EEA1: variants seen among roughly 807,000 people sequenced by gnomAD.
The protein encoded by EEA1 is early endosome antigen 1, also known as early endosome antigen 1, 162kD.
A neutral mutation model predicts 209.2 loss-of-function variants in EEA1; 111 were observed. The observed-to-expected ratio is 0.53, with a 90% confidence interval of 0.45 to 0.62. EEA1 has a LOEUF of 0.62. Among genes scored for constraint, EEA1 ranks in the 20% least tolerant of loss-of-function variants. EEA1 has a pLI of 0.00. For synonymous variants in EEA1, 536 were observed against 540.6 expected (o/e 0.99, Z 0.12); for missense variants, 1,343 against 1,530.8 (o/e 0.88, Z 2.05).
At chr12:92,909,637 A>C (rs1397657362) in intron 1 of EEA1, among the ~76,000 whole-genome samples, 1 of 152,254 alleles carries the variant, frequency 6.6e-6, no homozygotes, top group Non-Finnish European at 1.5e-5. Flanking sequence ...TTAAAAGGTG[A>C]CTAGGTCATG....
chr12:92,885,147 TTAG>T (rs1440665184), intron 2 of EEA1, among the ~76,000 whole-genome samples: 3 of 152,040 alleles, frequency 2.0e-5, no homozygotes, highest in South Asian at 2.1e-4. Context: ...CAATAGGCTA[TTAG>T]TAGTTAAATT....
Position 92,832,609 on chromosome 12 carries a change from G to A in EEA1, c.1157C>T (p.Thr386Ile). 6.2e-7 allele frequency: 1 copy of A among 1,613,936 alleles called. No individual in the cohort carries two copies. The highest frequency in any genetic ancestry group is 2.2e-5 in the East Asian group (1 of 44,838). The change falls in exon 11 of 29, where the codon ACC (threonine) becomes ATC (isoleucine). Residue 386 changes from threonine to isoleucine, a missense_variant. Physicochemically the swap from Thr to Ile is moderately conservative, Grantham distance 89 (BLOSUM62 -1). This residue lies in a region of EEA1 where 1,307 missense variants were observed against 1,465.5 expected (regional missense o/e 0.89). Coordinates refer to ENST00000322349, the MANE Select transcript of EEA1 (RefSeq NM_003566.4). ...CTCCGCCTTTAGATGCTGGTACTTG[G>A]TCTCTACCTCAGATAATTCTTCTTT... ...KLKEELSEVE[T>I]KYQHLKAEFK...
rs1249681350 is a variant in EEA1, at chr12:92,775,235, G to C, written c.*776C>G. 2 of 151,474 alleles carry C rather than the reference G, an allele frequency of 1.3e-5. No individual in the cohort carries two copies. The highest frequency in any genetic ancestry group is 3.8e-4 in the East Asian group (2 of 5,198). 9.4% of individuals were successfully genotyped at this position (151,474 alleles called of 1,614,324 possible). ...AAGAAGCTTTCTAAGATTCTAAATG[G>C]ACAATGCGTGGGAGTTTAAGAAAGA... On this transcript the variant is annotated 3_prime_UTR_variant, in exon 29 of 29. Coordinates refer to ENST00000322349, the MANE Select transcript of EEA1 (RefSeq NM_003566.4).
At chr12:92,800,898 C>T (rs536548113) in intron 20 of EEA1, among the ~76,000 whole-genome samples, 35 of 152,312 alleles carry the variant, frequency 2.3e-4, no homozygotes, top group Non-Finnish European at 4.1e-4. Context: ...GCATCTACAA[C>T]ACAAGTCTGC....
At chr12:92,887,760 TG>T (rs1355100594) in intron 2 of EEA1, among the ~76,000 whole-genome samples, 2 of 152,214 alleles carry the variant, frequency 1.3e-5, no homozygotes, top group Non-Finnish European at 2.9e-5. Context: ...TTTGACTTTA[TG>T]ACTGATTTAT....
chr12:92,904,830 C>G (rs886421709), intron 1 of EEA1, among the ~76,000 whole-genome samples: 3 of 152,228 alleles, frequency 2.0e-5, no homozygotes, highest in Admixed American at 1.3e-4. Flanking sequence ...TTTAGAGATA[C>G]ATCACCCTCC....
At chr12:92,848,516 T>TCTTAAATGA (rs1877473360) in intron 9 of EEA1, among the ~76,000 whole-genome samples, 3 of 152,136 alleles carry the variant, frequency 2.0e-5, no homozygotes, top group Non-Finnish European at 2.9e-5. Flanking sequence ...AGCTTTTTCA[T>TCTTAAATGA]CTTAAATGAC....
At chr12:92,910,162 A>T (rs377149269) in intron 1 of EEA1, among the ~76,000 whole-genome samples, 1 of 149,676 alleles carries the variant, frequency 6.7e-6, no homozygotes, top group African/African-American at 2.5e-5. Context: ...TAAATTAATT[A>T]AATTTTAATT....
chr12:92,785,523 T>C (rs1874093464), intron 22 of EEA1, among the ~76,000 whole-genome samples: 1 of 152,182 alleles, frequency 6.6e-6, no homozygotes, highest in South Asian at 2.1e-4. Flanking sequence ...TCTATAAATA[T>C]CATCTGAACT....
Position 92,914,337 on chromosome 12 carries a change from T to C in EEA1, c.24+14706A>G, listed in dbSNP as rs559497268. Among the ~76,000 whole-genome samples, 29 of 152,302 alleles carry C rather than the reference T, an allele frequency of 1.9e-4. No individual in the cohort carries two copies. The Middle Eastern group carries it at 0.01, about 54-fold the overall frequency. ...TTTCTGGGTTCTCTCTTCTGTTCCATTGACCTGTGACTATTTTTATACCAG... is the reference window on the plus strand; with the variant it reads ...TTTCTGGGTTCTCTCTTCTGTTCCACTGACCTGTGACTATTTTTATACCAG... On this transcript the variant is annotated intron_variant, in intron 1 of 28. Transcript: ENST00000322349.
At chr12:92,835,170 C>T (rs1464113904) in intron 10 of EEA1, among the ~76,000 whole-genome samples, 2 of 152,018 alleles carry the variant, frequency 1.3e-5, no homozygotes, top group Admixed American at 1.3e-4. Flanking sequence ...CCTGAGCCAC[C>T]GCGCCTGGCC....
At chr12:92,922,727 C>T (rs902632672) in intron 1 of EEA1, among the ~76,000 whole-genome samples, 30 of 151,810 alleles carry the variant, frequency 2.0e-4, no homozygotes, top group Admixed American at 7.2e-4. Flanking sequence ...CCGAGGCGGG[C>T]GGATCGCCTG....
chr12:92,781,289 A>C (rs1873894587), intron 23 of EEA1, among the ~76,000 whole-genome samples: 1 of 152,076 alleles, frequency 6.6e-6, no homozygotes. Context: ...CCATCACCAC[A>C]CCCACAGAAC....
chr12:92,858,340 T>C (rs117983804), intron 3 of EEA1: 13,791 of 809,416 alleles, frequency 0.017, 194 homozygotes, highest in Non-Finnish European at 0.021. Flanking sequence ...CGTGAAGCTA[T>C]TAAACACATT....
chr12:92,798,730 A>G (rs2136664216), intron 21 of EEA1, among the ~76,000 whole-genome samples, 162 bp downstream of exon 21: 1 of 152,340 alleles, frequency 6.6e-6, no homozygotes, highest in East Asian at 1.9e-4. Context: ...AGACTCAGGT[A>G]TTTGATAATA....
At chr12:92,917,531 G>C (rs2136783923) in intron 1 of EEA1, among the ~76,000 whole-genome samples, 1 of 150,190 alleles carries the variant, frequency 6.7e-6, no homozygotes, top group South Asian at 2.1e-4. Context: ...ATACTTTACA[G>C]ACAAGCAAAT....
chr12:92,923,899 G>C (rs1030519148), intron 1 of EEA1, among the ~76,000 whole-genome samples: 1 of 147,110 alleles, frequency 6.8e-6, no homozygotes, highest in Non-Finnish European at 1.5e-5. Flanking sequence ...GATAAGAAAA[G>C]TGTTCCTTAA....
At chr12:92,809,404 G>C (rs1026861386) in intron 17 of EEA1, among the ~76,000 whole-genome samples, 1 of 151,222 alleles carries the variant, frequency 6.6e-6, no homozygotes, top group Non-Finnish European at 1.5e-5. Context: ...ATTAATTCTG[G>C]GCTGGGCGCG....
chr12:92,784,089 G>A (rs1253306228), intron 22 of EEA1, among the ~76,000 whole-genome samples: 1 of 151,968 alleles, frequency 6.6e-6, no homozygotes, highest in Non-Finnish European at 1.5e-5. Context: ...GCTTTTTTCA[G>A]GGAAGAATTA....
Sources: allele counts gnomAD v4.1 joint callset (sites outside exome capture counted in the v4.1 genomes callset), GRCh38; gene constraint gnomAD v4.1.1; regional missense constraint gnomAD v4.1.1; transcripts MANE v1.5; gene names NCBI Gene and HGNC (gene_info 2026-07-23, HGNC 2026-07-21).